The following SIPA1L2 variants were observed in gnomAD, a reference collection of about 807,000 sequenced individuals.
SIPA1L2 encodes the protein signal induced proliferation associated 1 like 2.
In SIPA1L2, 56 loss-of-function variants were observed where a neutral mutation model predicts 163.9. The ratio of observed to expected loss-of-function variants is 0.34; its 90% confidence interval spans 0.28 to 0.43. SIPA1L2 has a LOEUF of 0.43. Among genes scored for constraint, SIPA1L2 ranks in the 20% least tolerant of loss-of-function variants. The pLI is 1.00. For synonymous variants in SIPA1L2, 877 were observed against 865.7 expected, an observed-to-expected ratio of 1.01 and a Z score of -0.23; for missense variants, 1,974 against 2,193.5, an observed-to-expected ratio of 0.90 and a Z score of 2.00.
intron 10 of SIPA1L2, among the ~76,000 whole-genome samples, chr1:232,458,782 T>C (rs868030917): frequency 1.3e-5 from 2 of 152,210 alleles, no homozygotes; most frequent in African/African-American, 4.8e-5. Flanking sequence ...ATTTTACATA[T>C]ACAGTACTTT....
chr1:232,621,580 C>A (rs911313355), intron 1 of SIPA1L2, among the ~76,000 whole-genome samples: 1 of 152,158 alleles, frequency 6.6e-6, no homozygotes, highest in East Asian at 1.9e-4. Context: ...TCCCACCAGC[C>A]TTATAAGGTT....
chr1:232,465,487 C>A lies in SIPA1L2; in HGVS notation c.2244-71G>T. 8.5e-7 allele frequency: 1 copy of A among 1,178,442 alleles called. No individual in the cohort carries two copies. The highest frequency in any genetic ancestry group is 1.2e-6 in the Non-Finnish European group (1 of 824,192). The allele number at this position is 1,178,442 out of a possible 1,614,324, so 73.0% of individuals were successfully genotyped here. A position where few individuals can be genotyped will look rare whatever the true frequency, so the allele number is the denominator to read the frequency against. ...ATAATATGTATCTTTCCGAATTTGACATATATATACACACACACACACATA... is the reference window on the plus strand; with the variant it reads ...ATAATATGTATCTTTCCGAATTTGAAATATATATACACACACACACACATA... On this transcript the variant is annotated intron_variant, in intron 8 of 22. Transcript: ENST00000674635. This position sits in a 1 kb window ranked among gnomAD's most constrained non-coding sequence, Gnocchi z 4.1.
At position 232,400,389 on chromosome 1, in the gene SIPA1L2, A is replaced by C. The variant is rs540652948; in HGVS notation, c.5023-1116T>G. Among the ~76,000 whole-genome samples, 10 of 152,272 alleles carry C rather than the reference A, an allele frequency of 6.6e-5. No individual in the cohort carries two copies. In the East Asian group the frequency reaches 1.5e-3, roughly 24 times the overall value. ...TCCATGAACTTGGATTCTGCCAAGA[A>C]GACCTTGTGCACGCTCAGTCTCTCC... On this transcript the variant is annotated intron_variant, in intron 22 of 22. Transcript: ENST00000674635.
chr1:232,466,725 A>G (rs1366493447), intron 8 of SIPA1L2, among the ~76,000 whole-genome samples: 1 of 152,164 alleles, frequency 6.6e-6, no homozygotes, highest in African/African-American at 2.4e-5. Flanking sequence ...TCGGAGGCGG[A>G]GCTTGCAGTG....
intron 1 of SIPA1L2, among the ~76,000 whole-genome samples, chr1:232,597,948 TAAAG>T (rs1661369672): frequency 6.6e-6 from 1 of 152,076 alleles, no homozygotes; most frequent in Non-Finnish European, 1.5e-5. Flanking sequence ...CACATTTTCT[TAAAG>T]GAAGGCACAC....
chr1:232,516,508 T>G (rs1203288151), intron 2 of SIPA1L2, among the ~76,000 whole-genome samples: 1 of 152,230 alleles, frequency 6.6e-6, no homozygotes, highest in Non-Finnish European at 1.5e-5. Context: ...GTGTGTCTGT[T>G]CTGTCCTGTG....
In SIPA1L2 at chr1:232,496,560, CA is replaced by C. The variant is rs71162247; in HGVS notation, c.1484-2901del. On this transcript the variant is annotated intron_variant, in intron 3 of 22. Coordinates refer to ENST00000674635, the MANE Select transcript of SIPA1L2 (RefSeq NM_020808.5). Reference sequence around the variant, plus strand: ...TAAGAAGAGCTGATCCAGAAGCAGGCAAAAAAAAAAAAAAAGATATTCAATG... The same window carrying C: ...TAAGAAGAGCTGATCCAGAAGCAGGCAAAAAAAAAAAAAAGATATTCAATG... 7.8e-3 allele frequency among the ~76,000 whole-genome samples: 821 copies of C among 105,174 alleles called. 1 individual carries two copies. The highest frequency in any genetic ancestry group is 0.018 in the Middle Eastern group (3 of 168). The allele number at this position is 105,174 out of a possible 152,430, so 69.0% of individuals were successfully genotyped here.
At chr1:232,473,023 G>A (rs1388753757) in intron 7 of SIPA1L2, among the ~76,000 whole-genome samples, 4 of 152,134 alleles carry the variant, frequency 2.6e-5, no homozygotes, top group African/African-American at 9.7e-5. Context: ...AGTGAAGTCT[G>A]GAAACATACA....
chr1:232,471,685 T>C (rs1664809531), intron 7 of SIPA1L2, among the ~76,000 whole-genome samples, 157 bp from the exon 8 acceptor site: 2 of 152,194 alleles, frequency 1.3e-5, no homozygotes, highest in Non-Finnish European at 1.5e-5. Flanking sequence ...AAAAGCAAAA[T>C]GGGCTTCATC....
chr1:232,577,709 T>C (rs1660153547), intron 1 of SIPA1L2, among the ~76,000 whole-genome samples: 2 of 152,192 alleles, frequency 1.3e-5, no homozygotes, highest in South Asian at 4.2e-4. Flanking sequence ...GAGGAAGAAA[T>C]AGCAAGAAAA....
intron 3 of SIPA1L2, among the ~76,000 whole-genome samples, chr1:232,513,308 T>G (rs921317644): frequency 1.3e-5 from 2 of 152,262 alleles, no homozygotes; most frequent in Non-Finnish European, 2.9e-5. Flanking sequence ...CACTTGTGTC[T>G]TAACATTTAA....
At chr1:232,512,810 A>T (rs6658619) in intron 3 of SIPA1L2, among the ~76,000 whole-genome samples, 137,849 of 152,116 alleles carry the variant, frequency 0.91, 63,074 homozygotes, top group African/African-American at 0.95. Flanking sequence ...AGTAAAAAAA[A>T]AAATAAATAA....
chr1:232,432,536 A>G, intron 15 of SIPA1L2, 65 bp from the exon 16 acceptor site: 6 of 1,492,948 alleles, frequency 4.0e-6, no homozygotes, highest in Non-Finnish European at 1.9e-6. Context: ...CACACGGCCA[A>G]ATTCAGAGCC....
intron 2 of SIPA1L2, among the ~76,000 whole-genome samples, chr1:232,568,041 T>TCTCCCTAACCTCAACCTATGCATTTC (rs1430437031): frequency 6.6e-6 from 1 of 152,198 alleles, no homozygotes; most frequent in Non-Finnish European, 1.5e-5. Flanking sequence ...TCTGTGTCCC[T>TCTCCCTAACCTCAACCTATGCATTTC]CTCCCTAACC....
intron 10 of SIPA1L2, among the ~76,000 whole-genome samples, chr1:232,454,104 T>C (rs79313869): frequency 0.011 from 1,723 of 152,274 alleles, 40 homozygotes; most frequent in African/African-American, 0.038. Context: ...GATAACCACA[T>C]AGTATAACTT....
At chr1:232,539,768 C>T (rs1657531897) in intron 2 of SIPA1L2, among the ~76,000 whole-genome samples, 1 of 152,194 alleles carries the variant, frequency 6.6e-6, no homozygotes, top group Admixed American at 6.5e-5. Flanking sequence ...TACCACGAGT[C>T]TGACGACAGC....
At chr1:232,618,937 A>G (rs1200128465) in intron 1 of SIPA1L2, among the ~76,000 whole-genome samples, 1 of 152,218 alleles carries the variant, frequency 6.6e-6, no homozygotes, top group Non-Finnish European at 1.5e-5. Flanking sequence ...AGGAAAAAAA[A>G]CATAATGACC....
rs193039287 is a variant in SIPA1L2 at position 232,456,171 on chromosome 1, A to G, written c.3095+4716T>C. ...GGATAAAGCATGGAAAAAATTTTTA[A>G]AAAAAGAAGGCTCACTTGAGTCCAG... On this transcript the variant is annotated intron_variant, in intron 10 of 22. Coordinates refer to ENST00000674635, the MANE Select transcript of SIPA1L2 (RefSeq NM_020808.5). Among the ~76,000 whole-genome samples the G allele has an allele frequency of 7.7e-4, 118 of 152,336 alleles. 1 individual carries two copies. The highest frequency in any genetic ancestry group is 2.5e-3 in the Admixed American group (39 of 15,302).
intron 2 of SIPA1L2, among the ~76,000 whole-genome samples, chr1:232,542,283 G>A (rs191884908): frequency 5.1e-4 from 78 of 152,304 alleles, no homozygotes; most frequent in Non-Finnish European, 7.6e-4. Context: ...GAGATACTGA[G>A]GTGATGGGGC....
Sources: gnomAD v4.1 joint callset for allele counts (sites outside exome capture counted in the v4.1 genomes callset) on GRCh38, gnomAD v4.1.1 for gene constraint, Gnocchi (gnomAD v3.1) non-coding constraint, MANE v1.5 for transcripts, NCBI Gene and HGNC (gene_info 2026-07-23, HGNC 2026-07-21) for gene names.